The following CAMK2D variants were observed in gnomAD, a reference collection of about 807,000 sequenced individuals.
CAMK2D encodes calcium/calmodulin dependent protein kinase II delta, also known as calcium/calmodulin-dependent protein kinase type II subunit delta.
A neutral mutation model predicts 84.0 loss-of-function variants in CAMK2D; 37 were observed. The ratio of observed to expected loss-of-function variants is 0.44; its 90% CI spans 0.34 to 0.58. The LOEUF (loss-of-function observed/expected upper bound fraction) is 0.58, where lower values mean the gene tolerates loss of function less well. CAMK2D is among the 20% of genes least tolerant of loss of function. CAMK2D has a pLI of 0.02. For synonymous variants in CAMK2D, 202 were observed against 212.5 expected (o/e 0.95, Z 0.43); for missense variants, 448 against 652.5 (o/e 0.69, Z 3.41).
intron 6 of CAMK2D, among the ~76,000 whole-genome samples, chr4:113,547,167 C>T (rs1467645777): frequency 6.6e-6 from 1 of 152,096 alleles, no homozygotes; most frequent in African/African-American, 2.4e-5. Flanking sequence ...AAGAGAATGT[C>T]AGAATTCAAA....
At chr4:113,589,859 A>G (rs1167771681) in intron 4 of CAMK2D, among the ~76,000 whole-genome samples, 1 of 152,188 alleles carries the variant, frequency 6.6e-6, no homozygotes, top group Non-Finnish European at 1.5e-5. Flanking sequence ...CAGAGAATGC[A>G]TGATGCCCAA....
chr4:113,491,374 G>C (rs1193760270), intron 16 of CAMK2D, among the ~76,000 whole-genome samples: 1 of 131,126 alleles, frequency 7.6e-6, no homozygotes, highest in Non-Finnish European at 1.6e-5. Context: ...TTTTGTCAAA[G>C]GCTTTTTCTG....
chr4:113,611,945 T>C (rs1291072453), intron 3 of CAMK2D, among the ~76,000 whole-genome samples: 1 of 152,164 alleles, frequency 6.6e-6, no homozygotes, highest in Non-Finnish European at 1.5e-5. Context: ...CAGCATCATA[T>C]TTACTTGGGA....
intron 3 of CAMK2D, among the ~76,000 whole-genome samples, chr4:113,618,612 G>A (rs920627630): frequency 2.6e-5 from 4 of 152,066 alleles, no homozygotes; most frequent in African/African-American, 9.7e-5. Context: ...TAGACATATT[G>A]TACTATAATA....
intron 17 of CAMK2D, among the ~76,000 whole-genome samples, chr4:113,462,761 T>A (rs780109426): frequency 2.6e-5 from 4 of 152,026 alleles, no homozygotes; most frequent in Non-Finnish European, 5.9e-5. Context: ...AGGAAAAAAA[T>A]TCATACACAA....
rs1056935758 is a variant in CAMK2D at position 113,509,520 on chromosome 4, C to G, written c.984+118G>C. The G allele has an allele frequency of 4.8e-5, 33 of 684,216 alleles. No homozygotes were observed. In the African/African-American group the frequency reaches 6.0e-4, roughly 13 times the overall value. 42.4% of individuals were successfully genotyped at this position (684,216 alleles called of 1,614,324 possible). On this transcript the variant is annotated intron_variant, in intron 13 of 20. Transcript: ENST00000511664. The stretch of plus-strand genomic sequence containing the variant: ...AATCATTTCATATTTCAACCTGCAA[C>G]CTTTATCAGAAACAATAAAAAATAG...
intron 2 of CAMK2D, among the ~76,000 whole-genome samples, chr4:113,697,189 G>A (rs571920833): frequency 6.6e-6 from 1 of 152,190 alleles, no homozygotes; most frequent in Admixed American, 6.6e-5. Flanking sequence ...ACATGTATAT[G>A]CAAGAGCATG....
chr4:113,508,254 A>ACATCAT (rs1205897058), intron 13 of CAMK2D: 11 of 1,549,870 alleles, frequency 7.1e-6, no homozygotes, highest in African/African-American at 1.4e-5. Flanking sequence ...GAACACTCGA[A>ACATCAT]CTGGACTTCC....
At chr4:113,673,510 A>C (rs2099302769) in intron 2 of CAMK2D, among the ~76,000 whole-genome samples, 1 of 152,240 alleles carries the variant, frequency 6.6e-6, no homozygotes, top group African/African-American at 2.4e-5. Context: ...AGCTAAAAAC[A>C]TCCAGCCAGG....
intron 4 of CAMK2D, among the ~76,000 whole-genome samples, chr4:113,555,486 C>G (rs932302194): frequency 3.9e-5 from 6 of 152,102 alleles, no homozygotes; most frequent in African/African-American, 1.4e-4. Context: ...ATGAGATTGC[C>G]AGACCTGAAA....
At chr4:113,524,733 C>G (rs1414088864) in intron 8 of CAMK2D, among the ~76,000 whole-genome samples, 1 of 152,042 alleles carries the variant, frequency 6.6e-6, no homozygotes, top group Admixed American at 6.6e-5. Flanking sequence ...GGAGGGTGCA[C>G]TTTAGGTCAC....
chr4:113,503,009 T>A, intron 14 of CAMK2D, 32 bp from the exon 15 acceptor site: 2 of 1,506,162 alleles, frequency 1.3e-6, no homozygotes, highest in Admixed American at 3.3e-5. Flanking sequence ...AAAGAAACAG[T>A]TCGCATTGGT....
At chr4:113,529,581 G>A (rs1332030948) in intron 8 of CAMK2D, among the ~76,000 whole-genome samples, 1 of 152,112 alleles carries the variant, frequency 6.6e-6, no homozygotes, top group Non-Finnish European at 1.5e-5. Flanking sequence ...GGGTAATGTT[G>A]CAGCATTCTT....
chr4:113,467,950 ATT>A (rs11463763), intron 16 of CAMK2D, among the ~76,000 whole-genome samples: 1 of 149,842 alleles, frequency 6.7e-6, no homozygotes, highest in Non-Finnish European at 1.5e-5. Flanking sequence ...AAACTAACAG[ATT>A]TTTTTTTTTG....
chr4:113,576,776 A>G (rs911153830), intron 4 of CAMK2D, among the ~76,000 whole-genome samples: 11 of 152,176 alleles, frequency 7.2e-5, no homozygotes, highest in African/African-American at 2.7e-4. Context: ...TGTTAACTAC[A>G]TGTTTTAATT....
intron 2 of CAMK2D, among the ~76,000 whole-genome samples, chr4:113,709,740 G>C (rs116138818): frequency 1.9e-5 from 1 of 51,768 alleles, no homozygotes; most frequent in Non-Finnish European, 3.3e-5. Context: ...GCTAAAAGCC[G>C]TGAACGATAT....
At chr4:113,760,678 GGC>G (rs1455217389) in intron 1 of CAMK2D, among the ~76,000 whole-genome samples, 2 of 152,000 alleles carry the variant, frequency 1.3e-5, no homozygotes, top group African/African-American at 2.4e-5. Context: ...ATTACACACA[GGC>G]GCGCGCGCAC....
intron 3 of CAMK2D, among the ~76,000 whole-genome samples, chr4:113,641,477 T>C (rs2099132030): frequency 6.6e-6 from 1 of 152,194 alleles, no homozygotes; most frequent in African/African-American, 2.4e-5. Context: ...AGATACAATA[T>C]GTTTCAGATT....
intron 2 of CAMK2D, among the ~76,000 whole-genome samples, chr4:113,732,070 T>C (rs1253204323): frequency 6.6e-6 from 1 of 151,988 alleles, no homozygotes; most frequent in East Asian, 1.9e-4. Context: ...TCTTTAAAGT[T>C]AGGCAACTAG....
Sources: allele counts gnomAD v4.1 joint callset (sites outside exome capture counted in the v4.1 genomes callset), GRCh38; gene constraint gnomAD v4.1.1; transcripts MANE v1.5; gene names NCBI Gene and HGNC (gene_info 2026-07-23, HGNC 2026-07-21).